LPA: variants seen among roughly 807,000 people sequenced by gnomAD.
LPA encodes the protein lipoprotein(a).
LPA carries 199 observed loss-of-function variants against 197.9 expected under a neutral mutation model. The observed-to-expected ratio is 1.01, with a 90% confidence interval of 0.90 to 1.13. The LOEUF is 1.13. Ranked by LOEUF, LPA falls within the 50% of genes most tolerant of loss-of-function variation. The pLI is 0.00. For missense variants in LPA, 1,853 were observed against 1,785.8 expected, an observed-to-expected ratio of 1.04 and a Z score of -0.68; for synonymous variants, 715 against 639.5, an observed-to-expected ratio of 1.12 and a Z score of -1.78.
chr6:160,568,040 T>A (rs1330160319), intron 28 of LPA, among the ~76,000 whole-genome samples: 1 of 151,330 alleles, frequency 6.6e-6, no homozygotes, highest in Non-Finnish European at 1.5e-5. Context: ...GAGAGATTCA[T>A]AGCCGAATTC....
intron 28 of LPA, among the ~76,000 whole-genome samples, chr6:160,569,628 C>T (rs922825007): frequency 6.6e-6 from 1 of 151,874 alleles, no homozygotes; most frequent in African/African-American, 2.4e-5. Flanking sequence ...CAAAATTGAC[C>T]AATGGGATCT....
At chr6:160,663,740 GA>G (rs1255016833) in intron 1 of LPA, among the ~76,000 whole-genome samples, 1 of 152,204 alleles carries the variant, frequency 6.6e-6, no homozygotes, top group African/African-American at 2.4e-5. Context: ...ACAGGTCAAG[GA>G]ACCAAACATA....
At chr6:160,656,738 C>T (rs1367190777) in intron 1 of LPA, among the ~76,000 whole-genome samples, 1 of 152,188 alleles carries the variant, frequency 6.6e-6, no homozygotes, top group African/African-American at 2.4e-5. Context: ...GGGATCCAGC[C>T]TCCCCTTCAT....
chr6:160,655,539 C>T (rs1253270828), intron 1 of LPA, among the ~76,000 whole-genome samples: 1 of 152,194 alleles, frequency 6.6e-6, no homozygotes, highest in Non-Finnish European at 1.5e-5. Flanking sequence ...GAATGTGTTG[C>T]CTCCAAAATC....
rs536815513 is a variant in LPA at position 160,596,411 on chromosome 6, T to C, written c.3288-876A>G. ...TTATTTGCTTTTTTTTTTTTTCTTG[T>C]GTAGATATTTAAGCTGTGGTCTTAG... On this transcript the variant is annotated intron_variant, in intron 20 of 38. Transcript: ENST00000316300. 2.5e-3 allele frequency among the ~76,000 whole-genome samples: 377 copies of C among 151,976 alleles called. 2 individuals carry two copies. The highest frequency in any genetic ancestry group is 0.024 in the South Asian group (115 of 4,812).
At chr6:160,650,963 G>C (rs1289834109) in intron 1 of LPA, among the ~76,000 whole-genome samples, 1 of 152,228 alleles carries the variant, frequency 6.6e-6, no homozygotes, top group African/African-American at 2.4e-5. Flanking sequence ...GGAGAAAAAT[G>C]GTTTTGCATC....
intron 28 of LPA, among the ~76,000 whole-genome samples, chr6:160,575,998 C>T (rs1419248871): frequency 6.6e-6 from 1 of 152,106 alleles, no homozygotes; most frequent in Non-Finnish European, 1.5e-5. Context: ...GGCTCCATCT[C>T]TTTTTCCTTC....
rs370996503 is a variant in LPA, at chr6:160,578,722, A to G, written c.4290-18T>C. The G allele has an allele frequency of 5.4e-5, 87 of 1,613,630 alleles. No individual in the cohort carries two copies. The African/African-American group carries it at 1.1e-3, about 21-fold the overall frequency. The stretch of plus-strand genomic sequence containing the variant: ...TCAGGCCACTGCAAATTTCAAAACA[A>G]CACAGGTCACCAGAGATGGGAGAAT... On this transcript the variant is annotated intron_variant, in intron 26 of 38. Coordinates refer to ENST00000316300, the MANE Select transcript of LPA (RefSeq NM_005577.4).
chr6:160,651,529 A>C (rs1780005376), intron 1 of LPA, among the ~76,000 whole-genome samples: 1 of 152,234 alleles, frequency 6.6e-6, no homozygotes, highest in African/African-American at 2.4e-5. Context: ...ATTGACCACA[A>C]AACATATTTT....
chr6:160,585,126 A>G lies in LPA; in HGVS notation c.4209T>C (p.Thr1403=). 6.2e-7 allele frequency: 1 copy of G among 1,613,860 alleles called. No homozygotes were observed. The highest frequency in any genetic ancestry group is 8.5e-7 in the Non-Finnish European group (1 of 1,179,810). The change falls in exon 26 of 39, where the codon ACT becomes ACC. Residue 1403 remains threonine, a synonymous_variant. Transcript: ENST00000316300. ...AAGACTGACATGTTCTTCCTGTGAT[A>G]GTGGTGGAGAGTGTGCCTCGATAAC... ...GQSYRGTLST[T]ITGRTCQSWS...
intron 29 of LPA, among the ~76,000 whole-genome samples, chr6:160,556,424 T>C (rs1224779432): frequency 1.3e-5 from 2 of 152,132 alleles, no homozygotes; most frequent in African/African-American, 4.8e-5. Flanking sequence ...CTCTTACAAT[T>C]GGAACAAAGA....
At chr6:160,583,320 T>C (rs904196896) in intron 26 of LPA, among the ~76,000 whole-genome samples, 6 of 152,230 alleles carry the variant, frequency 3.9e-5, no homozygotes, top group Admixed American at 2.0e-4. Flanking sequence ...GAAGAGGTTG[T>C]TTTCTTCTGA....
chr6:160,647,156 C>G (rs539355339), intron 2 of LPA, among the ~76,000 whole-genome samples: 1 of 152,224 alleles, frequency 6.6e-6, no homozygotes, highest in Non-Finnish European at 1.5e-5. Flanking sequence ...CACAGCCACT[C>G]CAGAACTGGG....
At chr6:160,658,891 T>TATATGA (rs1562356854) in intron 1 of LPA, among the ~76,000 whole-genome samples, 3 of 148,926 alleles carry the variant, frequency 2.0e-5, no homozygotes, top group South Asian at 4.3e-4. Flanking sequence ...TATATATATA[T>TATATGA]GAGAGAGAGA....
At chr6:160,587,809 G>A (rs1778943404) in intron 24 of LPA, among the ~76,000 whole-genome samples, 1 of 146,342 alleles carries the variant, frequency 6.8e-6, no homozygotes, top group South Asian at 2.1e-4. Context: ...GTTTCTGTCT[G>A]TTGGTCTGTC....
intron 21 of LPA, 131 bp from the exon 22 acceptor site, chr6:160,594,248 G>A (rs1365969701): frequency 9.4e-7 from 1 of 1,064,460 alleles, no homozygotes; most frequent in Admixed American, 2.0e-5. Context: ...CTAGCAGGCA[G>A]ATGGACATAC....
At chr6:160,585,531 G>A (rs184713231) in intron 25 of LPA, among the ~76,000 whole-genome samples, 175 of 152,178 alleles carry the variant, frequency 1.1e-3, no homozygotes, top group African/African-American at 4.0e-3. Flanking sequence ...ATGAGAACAA[G>A]GCAGGAGACC....
Position 160,531,606 on chromosome 6 carries a change from G to T in LPA, c.*123C>A, listed in dbSNP as rs1583560207. 8 of 1,345,202 alleles carry T rather than the reference G, an allele frequency of 5.9e-6. No homozygotes were observed. In the East Asian group the frequency reaches 1.9e-4, roughly 32 times the overall value. 83.3% of individuals were successfully genotyped at this position (1,345,202 alleles called of 1,614,324 possible). ...AAAATACCAAAAATGCCAAGGTTTGGCATAGCTGGTAGCTGGGAACAGTGT... is the reference window on the plus strand; with the variant it reads ...AAAATACCAAAAATGCCAAGGTTTGTCATAGCTGGTAGCTGGGAACAGTGT... On this transcript the variant is annotated 3_prime_UTR_variant, in exon 39 of 39. Coordinates refer to ENST00000316300, the MANE Select transcript of LPA (RefSeq NM_005577.4).
At chr6:160,558,316 A>G (rs1010726087) in intron 28 of LPA, among the ~76,000 whole-genome samples, 1 of 152,166 alleles carries the variant, frequency 6.6e-6, no homozygotes, top group Non-Finnish European at 1.5e-5. Context: ...TGTAACTGAT[A>G]TATATTACTT....
Sources: allele counts gnomAD v4.1 joint callset (sites outside exome capture counted in the v4.1 genomes callset), GRCh38; gene constraint gnomAD v4.1.1; transcripts MANE v1.5; gene names NCBI Gene and HGNC (gene_info 2026-07-23, HGNC 2026-07-21).